Variants in GNPAT observed in about 807,000 individuals in gnomAD.
GNPAT encodes the protein glyceronephosphate O-acyltransferase.
GNPAT carries 30 observed loss-of-function variants against 78.4 expected under a neutral mutation model. The observed-to-expected ratio is 0.38, with a 90% CI of 0.29 to 0.52. The LOEUF (loss-of-function observed/expected upper bound fraction) is 0.52, where lower values mean the gene tolerates loss of function less well. GNPAT is among the 20% of genes least tolerant of loss of function. The probability of loss-of-function intolerance (pLI) is 0.84; values close to 1 mark genes in which losing one functional copy is unlikely to be tolerated. For missense variants in GNPAT, 714 were observed against 812.2 expected (o/e 0.88, Z 1.47); for synonymous variants, 271 against 281.1 (o/e 0.96, Z 0.36).
At chr1:231,258,513 G>A (rs1206360224) in intron 2 of GNPAT, among the ~76,000 whole-genome samples, 2 of 151,756 alleles carry the variant, frequency 1.3e-5, no homozygotes, top group African/African-American at 2.4e-5. Context: ...TTCTCTCAGG[G>A]GACTTCTTCT....
chr1:231,271,057 T>G, intron 10 of GNPAT, 57 bp downstream of exon 10: 1 of 1,578,540 alleles, frequency 6.3e-7, no homozygotes, highest in Non-Finnish European at 8.7e-7. Flanking sequence ...TTCCATTCCA[T>G]TTAGGGAGCC....
chr1:231,243,481 G>A (rs1359232955), intron 1 of GNPAT, among the ~76,000 whole-genome samples: 8 of 151,920 alleles, frequency 5.3e-5, no homozygotes, highest in South Asian at 2.1e-4. Context: ...ACGCCACCCC[G>A]CCCTGCTAAT....
intron 2 of GNPAT, among the ~76,000 whole-genome samples, chr1:231,259,228 A>G (rs1685152854): frequency 6.6e-6 from 1 of 152,124 alleles, no homozygotes; most frequent in Admixed American, 6.5e-5. Context: ...GGTAAGAGGA[A>G]AGAGTTTATC....
chr1:231,276,309 C>A, intron 15 of GNPAT, 113 bp downstream of exon 15: 1 of 675,612 alleles, frequency 1.5e-6, no homozygotes, highest in Non-Finnish European at 2.7e-6. Context: ...TAGTAGAGTT[C>A]TAACATAAAA....
chr1:231,255,366 C>G (rs778277919), intron 2 of GNPAT, among the ~76,000 whole-genome samples: 1 of 152,172 alleles, frequency 6.6e-6, no homozygotes, highest in African/African-American at 2.4e-5. Context: ...CCCATGCCTT[C>G]TCTAGTTACT....
At chr1:231,255,425 T>G (rs1342945186) in intron 2 of GNPAT, among the ~76,000 whole-genome samples, 1 of 151,998 alleles carries the variant, frequency 6.6e-6, no homozygotes, top group Admixed American at 6.6e-5. Context: ...TTTAAGAAAT[T>G]GATTTGTGTT....
At position 231,241,694 on chromosome 1, in the gene GNPAT, T is replaced by C. The variant is rs369008786; in HGVS notation, c.78+238T>C. 1.8e-4 allele frequency among the ~76,000 whole-genome samples: 27 copies of C among 152,390 alleles called. No individual in the cohort carries two copies. The South Asian group carries it at 5.6e-3, about 32-fold the overall frequency. On this transcript the variant is annotated intron_variant, in intron 1 of 15. Coordinates refer to ENST00000366647, the MANE Select transcript of GNPAT (RefSeq NM_014236.4). ...GTTCCTTTGGTTCCTTTCCACTTTT[T>C]CCTTCTCTTTCTTTCTATCAGGCCC...
At chr1:231,255,975 T>A (rs1366184371) in intron 2 of GNPAT, among the ~76,000 whole-genome samples, 4 of 152,200 alleles carry the variant, frequency 2.6e-5, no homozygotes, top group Non-Finnish European at 5.9e-5. Flanking sequence ...TAATCATTCC[T>A]CATTTGCTTT....
intron 12 of GNPAT, chr1:231,274,938 C>T (rs1159004875): frequency 1.7e-5 from 6 of 360,030 alleles, no homozygotes; most frequent in East Asian, 6.6e-5. Flanking sequence ...ATAAGAGATA[C>T]GAAGCTGATG....
rs764529104 is a variant in GNPAT, at chr1:231,241,458, T to A, written c.78+2T>A. The A allele has an allele frequency of 6.2e-7, 1 of 1,608,032 alleles. No individual in the cohort carries two copies. The highest frequency in any genetic ancestry group is 8.5e-7 in the Non-Finnish European group (1 of 1,174,708). On this transcript the variant is annotated splice_donor_variant, in intron 1 of 15. Transcript: ENST00000366647. LOFTEE classifies it high-confidence loss of function. ...AGCGCTGTCGTGCTCCTCTACTCGG[T>A]AGGCGCCCAGGGAAAAGAGGCCCAG...
Position 231,267,877 on chromosome 1 carries a change from C to T in GNPAT, c.1253C>T (p.Ala418Val). 1 of 1,610,792 alleles carries T rather than the reference C, an allele frequency of 6.2e-7. No individual in the cohort carries two copies. ...TTATGGCTAAAAGGCTTAACCCAGG[C>T]ATTTGGAGGGTTTCTCATTTGGCCT... Reference protein sequence around the residue: ...KTLWLKGLTQAFGGFLIWPDN... With the variant: ...KTLWLKGLTQVFGGFLIWPDN... Residue 418 changes from alanine (A) to valine (V), a missense_variant, in exon 9 of 16, where the codon GCA (alanine) becomes GTA (valine). Physicochemically the swap from Ala to Val is moderately conservative, Grantham distance 64 (BLOSUM62 0). Transcript: ENST00000366647.
At chr1:231,272,195 C>G in intron 10 of GNPAT, 117 bp from the exon 11 acceptor site, 1 of 688,126 alleles carries the variant, frequency 1.5e-6, no homozygotes. Flanking sequence ...ATTCTTGTCC[C>G]TGTTACATGA....
chr1:231,255,197 T>C (rs1280349421), intron 2 of GNPAT, among the ~76,000 whole-genome samples: 1 of 152,078 alleles, frequency 6.6e-6, no homozygotes, highest in African/African-American at 2.4e-5. Context: ...CCTACCCTAT[T>C]CCTTTGTTCT....
intron 2 of GNPAT, among the ~76,000 whole-genome samples, chr1:231,256,876 C>T (rs74143596): frequency 0.024 from 3,672 of 152,188 alleles, 58 homozygotes; most frequent in Middle Eastern, 0.085. Context: ...TCACAGAATA[C>T]AATAGTAGCC....
Position 231,266,259 on chromosome 1 carries a change from CT to C in GNPAT, c.925-17del, listed in dbSNP as rs149282848. On this transcript the variant is annotated splice_polypyrimidine_tract_variant and intron_variant, in intron 7 of 15. Coordinates refer to ENST00000366647, the MANE Select transcript of GNPAT (RefSeq NM_014236.4). ...TACTGCTTTTCGTTTTCTTCCCCCC[CT>C]GTTATGGTACTATTAGGGGTTGCTG... The C allele has an allele frequency of 2.1e-3, 3,397 of 1,614,028 alleles. 73 individuals carry two copies. The African/African-American group carries it at 0.035, about 17-fold the overall frequency.
chr1:231,256,903 C>T (rs1173860537), intron 2 of GNPAT, among the ~76,000 whole-genome samples: 2 of 152,082 alleles, frequency 1.3e-5, no homozygotes, highest in Non-Finnish European at 2.9e-5. Flanking sequence ...GGGGTCTTAG[C>T]CAAGGAAAGA....
intron 10 of GNPAT, among the ~76,000 whole-genome samples, chr1:231,271,778 G>A (rs1210382011): frequency 6.6e-6 from 1 of 152,160 alleles, no homozygotes; most frequent in Non-Finnish European, 1.5e-5. Flanking sequence ...CTGAGTAGAA[G>A]CCTGGTTGTA....
At chr1:231,250,910 T>C in intron 1 of GNPAT, 51 bp from the exon 2 acceptor site, 1 of 1,168,548 alleles carries the variant, frequency 8.6e-7, no homozygotes, top group South Asian at 1.2e-5. Flanking sequence ...CTTTAATCTG[T>C]CCTGATTTAT....
At chr1:231,249,132 G>C (rs1439946384) in intron 1 of GNPAT, among the ~76,000 whole-genome samples, 1 of 152,144 alleles carries the variant, frequency 6.6e-6, no homozygotes, top group African/African-American at 2.4e-5. Flanking sequence ...AATGGTAGTT[G>C]GCTGCAGTCT....
Sources: allele counts gnomAD v4.1 joint callset (sites outside exome capture counted in the v4.1 genomes callset), GRCh38; gene constraint gnomAD v4.1.1; transcripts MANE v1.5; gene names NCBI Gene and HGNC (gene_info 2026-07-23, HGNC 2026-07-21).